The following HNF4G variants were observed in gnomAD, a reference collection of about 807,000 sequenced individuals.
HNF4G encodes hepatocyte nuclear factor 4-gamma.
A neutral mutation model predicts 50.9 loss-of-function variants in HNF4G; 21 were observed. The observed-to-expected ratio is 0.41, with a 90% CI of 0.29 to 0.59. The LOEUF is 0.59. Among genes scored for constraint, HNF4G ranks in the 20% least tolerant of loss-of-function variants. The probability of loss-of-function intolerance (pLI) is 0.26; values close to 1 mark genes in which losing one functional copy is unlikely to be tolerated. For missense variants in HNF4G, 527 were observed against 559.4 expected, an observed-to-expected ratio of 0.94 and a Z score of 0.58; for synonymous variants, 198 against 185.6, an observed-to-expected ratio of 1.07 and a Z score of -0.54.
upstream of HNF4G, among the ~76,000 whole-genome samples, chr8:75,539,641 T>C (rs1191014961): frequency 6.6e-6 from 1 of 152,202 alleles, no homozygotes; most frequent in African/African-American, 2.4e-5. Context: ...TTAATCCTTC[T>C]CTTAATGATC....
intron 1 of HNF4G, among the ~76,000 whole-genome samples, chr8:75,445,109 C>T (rs1373226456): frequency 6.9e-6 from 1 of 144,708 alleles, no homozygotes; most frequent in Non-Finnish European, 1.5e-5. Context: ...CAAACTAGAA[C>T]TCAGGATTAA....
intron 1 of HNF4G, among the ~76,000 whole-genome samples, chr8:75,451,121 T>C (rs1585855667): frequency 6.6e-6 from 1 of 152,216 alleles, no homozygotes; most frequent in South Asian, 2.1e-4. Context: ...CCATTGGCCA[T>C]GTGTATGCCT....
chr8:75,441,754 T>C (rs562575458), intron 1 of HNF4G, among the ~76,000 whole-genome samples: 1 of 152,334 alleles, frequency 6.6e-6, no homozygotes, highest in South Asian at 2.1e-4. Flanking sequence ...TTGCTCTTCA[T>C]TTCTGTACTT....
intron 1 of HNF4G, among the ~76,000 whole-genome samples, chr8:75,474,039 C>T (rs1812183783): frequency 6.6e-6 from 1 of 152,018 alleles, no homozygotes; most frequent in Non-Finnish European, 1.5e-5. Context: ...TTGTGGTCAA[C>T]TAGGGATAGT....
chr8:75,419,469 A>G (rs1810728760), intron 1 of HNF4G, among the ~76,000 whole-genome samples: 1 of 152,204 alleles, frequency 6.6e-6, no homozygotes, highest in African/African-American at 2.4e-5. Flanking sequence ...GCTGAGCAAA[A>G]GTTTCAAGAT....
At chr8:75,469,138 CAG>C (rs1242219570) in intron 1 of HNF4G, among the ~76,000 whole-genome samples, 1 of 152,166 alleles carries the variant, frequency 6.6e-6, no homozygotes, top group Non-Finnish European at 1.5e-5. Context: ...GAAGGAGCAG[CAG>C]AGATATTGGA....
intron 2 of HNF4G, among the ~76,000 whole-genome samples, chr8:75,514,354 C>CTTTTTTTTTTCTTTTTTTTTTTT (rs1805837081): frequency 8.0e-6 from 1 of 125,036 alleles, no homozygotes; most frequent in Non-Finnish European, 1.6e-5. Flanking sequence ...TTTCTTCTTT[C>CTTTTTTTTTTCTTTTTTTTTTTT]TTTTTTTTTT....
intron 2 of HNF4G, among the ~76,000 whole-genome samples, chr8:75,501,196 T>A (rs1274059856): frequency 6.6e-6 from 1 of 152,084 alleles, no homozygotes; most frequent in African/African-American, 2.4e-5. Flanking sequence ...TCCCAGCACA[T>A]TGGGAGGCCA....
chr8:75,544,314 T>C (rs1417197320), intron 2 of HNF4G, among the ~76,000 whole-genome samples: 1 of 152,232 alleles, frequency 6.6e-6, no homozygotes, highest in East Asian at 1.9e-4. Context: ...TGCCATTTCA[T>C]GTTATCTTTT....
intron 1 of HNF4G, among the ~76,000 whole-genome samples, chr8:75,410,449 A>C (rs1810474597): frequency 6.6e-6 from 1 of 152,228 alleles, no homozygotes; most frequent in African/African-American, 2.4e-5. Context: ...TTAAAAATAT[A>C]ATAAAATGGG....
At chr8:75,414,353 G>A (rs1810576115) in intron 1 of HNF4G, among the ~76,000 whole-genome samples, 2 of 150,718 alleles carry the variant, frequency 1.3e-5, no homozygotes, top group Admixed American at 6.6e-5. Context: ...ATTCCTTTGG[G>A]GGAGAAAAAA....
intron 2 of HNF4G, among the ~76,000 whole-genome samples, chr8:75,508,173 ATC>A (rs1805646892): frequency 6.6e-6 from 1 of 152,178 alleles, no homozygotes; most frequent in African/African-American, 2.4e-5. Flanking sequence ...ATACAGAAAA[ATC>A]CATCCTTCCA....
chr8:75,547,047 TG>T (rs1032287673), intron 2 of HNF4G, among the ~76,000 whole-genome samples: 1 of 152,190 alleles, frequency 6.6e-6, no homozygotes, highest in Non-Finnish European at 1.5e-5. Flanking sequence ...TTCTTTATTT[TG>T]TTTACCTGTG....
intron 1 of HNF4G, among the ~76,000 whole-genome samples, chr8:75,468,184 T>C (rs1234192927): frequency 6.6e-6 from 1 of 152,206 alleles, no homozygotes; most frequent in Non-Finnish European, 1.5e-5. Context: ...ATATAGTTTT[T>C]CTAGTTGTAT....
At chr8:75,413,874 TA>T (rs1290373451) in intron 1 of HNF4G, among the ~76,000 whole-genome samples, 1 of 149,598 alleles carries the variant, frequency 6.7e-6, no homozygotes, top group South Asian at 2.1e-4. Context: ...TAAAAAAAAA[TA>T]AAAAAATTAT....
chr8:75,529,325 T>G (rs1806268305), intron 2 of HNF4G, among the ~76,000 whole-genome samples: 2 of 151,250 alleles, frequency 1.3e-5, no homozygotes, highest in Admixed American at 6.6e-5. Flanking sequence ...GAGAATTCCC[T>G]CACTACCATC....
intron 2 of HNF4G, chr8:75,527,088 T>C (rs535401246): frequency 1.6e-4 from 24 of 152,390 alleles, no homozygotes; most frequent in African/African-American, 5.5e-4. Flanking sequence ...ACAAGCATTC[T>C]TTTCACAACA....
chr8:75,439,150 G>A (rs1811211613), intron 1 of HNF4G, among the ~76,000 whole-genome samples: 1 of 151,850 alleles, frequency 6.6e-6, no homozygotes, highest in African/African-American at 2.4e-5. Context: ...GTATCTTCAG[G>A]ATTAATTCAT....
intron 2 of HNF4G, among the ~76,000 whole-genome samples, chr8:75,507,547 C>G (rs920610877): frequency 6.6e-6 from 1 of 152,214 alleles, no homozygotes; most frequent in Non-Finnish European, 1.5e-5. Flanking sequence ...GCGTGAGCCA[C>G]TGTGCCCGGC....
Sources: allele counts gnomAD v4.1 joint callset (sites outside exome capture counted in the v4.1 genomes callset), GRCh38; gene constraint gnomAD v4.1.1; transcripts MANE v1.5; gene names NCBI Gene and HGNC (gene_info 2026-07-23, HGNC 2026-07-21).